FAM135B: variants seen among roughly 807,000 people sequenced by gnomAD.
FAM135B encodes the protein protein FAM135B.
Under a neutral mutation model 127.7 loss-of-function variants are expected in FAM135B, and 43 were observed. The ratio of observed to expected loss-of-function variants is 0.34; its 90% CI spans 0.26 to 0.43. The LOEUF is 0.43. FAM135B is among the 20% of genes least tolerant of loss of function. FAM135B has a pLI of 1.00. For synonymous variants in FAM135B, 670 were observed against 665.1 expected (o/e 1.01, Z -0.11); for missense variants, 1,558 against 1,725.6 (o/e 0.90, Z 1.72).
intron 12 of FAM135B, among the ~76,000 whole-genome samples, chr8:138,161,303 T>C (rs1053853635): frequency 6.6e-6 from 1 of 152,046 alleles, no homozygotes; most frequent in South Asian, 2.1e-4. Context: ...GGTAAGCCAT[T>C]ATCTCTCTCA....
intron 1 of FAM135B, among the ~76,000 whole-genome samples, chr8:138,427,380 A>T (rs1284580791): frequency 1.3e-5 from 2 of 151,850 alleles, no homozygotes; most frequent in African/African-American, 4.8e-5. Flanking sequence ...ATGGCACTGA[A>T]TTTTGAGACA....
At chr8:138,244,770 A>G (rs537829158) in intron 6 of FAM135B, among the ~76,000 whole-genome samples, 2 of 152,334 alleles carry the variant, frequency 1.3e-5, no homozygotes, top group East Asian at 3.9e-4. Flanking sequence ...CTTGTTATTT[A>G]CTTAAGGGTG....
chr8:138,151,990 G>A lies in FAM135B; in HGVS notation c.2485C>T (p.Leu829=), dbSNP rs1217606952. Residue 829 remains leucine, a synonymous_variant, in exon 13 of 20, where the codon CTG becomes TTG. Coordinates refer to ENST00000395297, the MANE Select transcript of FAM135B (RefSeq NM_015912.4). ...SGTDAGADHP[L]VEIVLDADNQ... Reference sequence around the variant, plus strand: ...TCAGCATCTAAAACTATCTCCACCAGGGGATGGTCTGCTCCAGCATCTGTT... The same window carrying A: ...TCAGCATCTAAAACTATCTCCACCAAGGGATGGTCTGCTCCAGCATCTGTT... The A allele has an allele frequency of 1.9e-6, 3 of 1,614,126 alleles. No homozygotes were observed. Among genetic ancestry groups the A allele is most frequent in the Admixed American group, 3.3e-5 (2 of 60,020 alleles).
intron 13 of FAM135B, among the ~76,000 whole-genome samples, chr8:138,149,303 C>T (rs538727427): frequency 6.6e-6 from 1 of 152,242 alleles, no homozygotes; most frequent in Admixed American, 6.5e-5. Flanking sequence ...TCCAAGGCCC[C>T]ATGCAATCTT....
intron 4 of FAM135B, among the ~76,000 whole-genome samples, chr8:138,265,492 T>G (rs1016992997): frequency 6.6e-6 from 1 of 152,120 alleles, no homozygotes; most frequent in East Asian, 1.9e-4. Context: ...TGTTTGCACT[T>G]GAGACTACAT....
chr8:138,353,913 C>T (rs1784880618), intron 2 of FAM135B, among the ~76,000 whole-genome samples: 1 of 152,064 alleles, frequency 6.6e-6, no homozygotes, highest in African/African-American at 2.4e-5. Context: ...GACCTATAAA[C>T]TCACATCAAC....
chr8:138,137,352 A>G (rs1171237128), intron 18 of FAM135B, 92 bp from the exon 19 acceptor site: 1 of 747,262 alleles, frequency 1.3e-6, no homozygotes. Flanking sequence ...GACTTGTCCT[A>G]TAGAGAGAAA....
chr8:138,422,603 T>C (rs151189271), intron 1 of FAM135B, among the ~76,000 whole-genome samples: 1 of 151,950 alleles, frequency 6.6e-6, no homozygotes, highest in African/African-American at 2.4e-5. Flanking sequence ...AATTAAAAAG[T>C]CAAAAAATAA....
intron 2 of FAM135B, among the ~76,000 whole-genome samples, chr8:138,354,456 G>C (rs1427897883): frequency 6.6e-6 from 1 of 152,140 alleles, no homozygotes; most frequent in African/African-American, 2.4e-5. Flanking sequence ...TATCTGGCTT[G>C]TGAATGCCCT....
chr8:138,183,261 T>A (rs928692072), intron 9 of FAM135B, among the ~76,000 whole-genome samples: 1 of 152,188 alleles, frequency 6.6e-6, no homozygotes, highest in African/African-American at 2.4e-5. Flanking sequence ...TCTAATATTA[T>A]CAGTCTTAAT....
intron 3 of FAM135B, among the ~76,000 whole-genome samples, chr8:138,293,615 T>C (rs1010358721): frequency 2.6e-5 from 4 of 152,000 alleles, no homozygotes; most frequent in African/African-American, 9.7e-5. Context: ...CAAAAGAAGA[T>C]ACACAAATGG....
intron 3 of FAM135B, among the ~76,000 whole-genome samples, chr8:138,284,710 T>C (rs1331864652): frequency 1.3e-5 from 2 of 151,964 alleles, no homozygotes; most frequent in Non-Finnish European, 2.9e-5. Flanking sequence ...AGTTCAGGCA[T>C]CTCTTCCTCC....
rs1011636420 is a variant in FAM135B at position 138,133,061 on chromosome 8, G to A, written c.4016-263C>T. 4.6e-5 allele frequency among the ~76,000 whole-genome samples: 7 copies of A among 152,322 alleles called. No individual in the cohort carries two copies. In the East Asian group the frequency reaches 1.2e-3, roughly 25 times the overall value. ...ATGCACCGGAAGTTATGATAGCAGTGTTCGTGTTTCTCAATAATAGCTGTA... is the reference window on the plus strand; with the variant it reads ...ATGCACCGGAAGTTATGATAGCAGTATTCGTGTTTCTCAATAATAGCTGTA... On this transcript the variant is annotated intron_variant, in intron 19 of 19. Coordinates refer to ENST00000395297, the MANE Select transcript of FAM135B (RefSeq NM_015912.4).
intron 1 of FAM135B, among the ~76,000 whole-genome samples, chr8:138,448,237 TC>T (rs1286076130): frequency 6.6e-6 from 1 of 152,110 alleles, no homozygotes; most frequent in African/African-American, 2.4e-5. Flanking sequence ...CAAACTTTAT[TC>T]CCAGTGTGTT....
intron 3 of FAM135B, among the ~76,000 whole-genome samples, chr8:138,294,758 T>C (rs540534442): frequency 1.6e-4 from 24 of 152,330 alleles, no homozygotes; most frequent in Middle Eastern, 3.4e-3. Context: ...TTCTTTCTCA[T>C]GATAAAACAA....
At chr8:138,178,446 A>G in intron 10 of FAM135B, 89 bp downstream of exon 10, 1 of 1,495,518 alleles carries the variant, frequency 6.7e-7, no homozygotes, top group Non-Finnish European at 9.2e-7. Flanking sequence ...CTAGAGGCCA[A>G]TCCTAATGCT....
chr8:138,189,063 AC>A (rs1321670766), intron 9 of FAM135B, among the ~76,000 whole-genome samples: 3 of 151,924 alleles, frequency 2.0e-5, no homozygotes, highest in East Asian at 1.9e-4. Context: ...GGCCTGCCCC[AC>A]CCCCCATCCT....
intron 1 of FAM135B, among the ~76,000 whole-genome samples, chr8:138,413,855 A>G (rs1473180124): frequency 1.3e-5 from 2 of 151,710 alleles, no homozygotes; most frequent in Non-Finnish European, 2.9e-5. Context: ...TTATGAGATG[A>G]CATGGTAAAA....
chr8:138,389,113 C>T (rs1203705019), intron 1 of FAM135B, among the ~76,000 whole-genome samples: 1 of 152,150 alleles, frequency 6.6e-6, no homozygotes, highest in East Asian at 1.9e-4. Flanking sequence ...GATATCACTT[C>T]ATAGCCACTA....
Sources: allele counts gnomAD v4.1 joint callset (sites outside exome capture counted in the v4.1 genomes callset), GRCh38; gene constraint gnomAD v4.1.1; transcripts MANE v1.5; gene names NCBI Gene and HGNC (gene_info 2026-07-23, HGNC 2026-07-21).